The following RBMS1 variants were observed in gnomAD, a reference collection of about 807,000 sequenced individuals.
The protein encoded by RBMS1 is RNA-binding motif, single-stranded-interacting protein 1.
A neutral mutation model predicts 62.3 loss-of-function variants in RBMS1; 17 were observed. That is an observed-to-expected ratio of 0.27 (90% CI 0.19 to 0.41). The LOEUF is 0.41. RBMS1 is among the 10% of genes least tolerant of loss of function. RBMS1 has a pLI of 1.00. For missense variants in RBMS1, 334 were observed against 504.5 expected (o/e 0.66, Z 3.24); for synonymous variants, 172 against 170.0 (o/e 1.01, Z -0.09).
chr2:160,481,185 T>A (rs779970170), intron 1 of RBMS1, among the ~76,000 whole-genome samples: 1 of 152,006 alleles, frequency 6.6e-6, no homozygotes, highest in African/African-American at 2.4e-5. Context: ...GAAATGTCTT[T>A]TCAATAAATT....
At chr2:160,377,738 C>A (rs1376341873) in intron 1 of RBMS1, among the ~76,000 whole-genome samples, 2 of 152,104 alleles carry the variant, frequency 1.3e-5, no homozygotes, top group Non-Finnish European at 2.9e-5. Flanking sequence ...TGGGGACATA[C>A]TTGAATTTTT....
At chr2:160,318,045 T>TG (rs1690322863) in intron 3 of RBMS1, 124 bp downstream of exon 3, 1 of 1,391,874 alleles carries the variant, frequency 7.2e-7, no homozygotes, top group African/African-American at 1.5e-5. Flanking sequence ...AGACAGAAAC[T>TG]GGGTGATATA....
At chr2:160,300,070 G>C (rs951490164) in intron 6 of RBMS1, among the ~76,000 whole-genome samples, 1 of 152,164 alleles carries the variant, frequency 6.6e-6, no homozygotes, top group African/African-American at 2.4e-5. Context: ...CAAAAATGGA[G>C]ACCAGACTTA....
chr2:160,461,026 AG>A (rs1684438275), intron 1 of RBMS1, among the ~76,000 whole-genome samples: 1 of 152,232 alleles, frequency 6.6e-6, no homozygotes. Context: ...TGGGAGGCCA[AG>A]GCTGGAGGAT....
At chr2:160,377,532 C>T (rs535321128) in intron 1 of RBMS1, among the ~76,000 whole-genome samples, 1 of 152,332 alleles carries the variant, frequency 6.6e-6, no homozygotes, top group South Asian at 2.1e-4. Context: ...GGGCCCCCTT[C>T]CAGCTTTAAG....
Position 160,369,249 on chromosome 2 carries a change from C to T in RBMS1, c.76-1858G>A, listed in dbSNP as rs570136813. Among the ~76,000 whole-genome samples, 46 of 152,278 alleles carry T rather than the reference C, an allele frequency of 3.0e-4. 1 individual carries two copies. In the South Asian group the frequency reaches 9.1e-3, roughly 30 times the overall value. On this transcript the variant is annotated intron_variant, in intron 1 of 13. Coordinates refer to ENST00000348849, the MANE Select transcript of RBMS1 (RefSeq NM_016836.4). ...AGCAGCTGAACTCATATCCTTTCTC[C>T]AAACCACTAGTTTTTCTCTAGGGGC...
Position 160,493,583 on chromosome 2 carries a change from C to T in RBMS1, c.-220G>A. ...TCCTCCTCCTCCTCTTCCTCCTCCTCCTCCTCCTCCCAGGCAGAAAGAAAG... is the reference window on the plus strand; with the variant it reads ...TCCTCCTCCTCCTCTTCCTCCTCCTTCTCCTCCTCCCAGGCAGAAAGAAAG... On this transcript the variant is annotated 5_prime_UTR_variant, in exon 1 of 14. Transcript: ENST00000348849. The T allele has an allele frequency of 3.3e-6, 2 of 607,932 alleles. No individual in the cohort carries two copies. The highest frequency in any genetic ancestry group is 2.9e-6 in the Non-Finnish European group (1 of 345,052). The allele number at this position is 607,932 out of a possible 1,614,324, so 37.7% of individuals were successfully genotyped here. A position where few individuals can be genotyped will look rare whatever the true frequency, so the allele number is the denominator to read the frequency against.
At position 160,273,919 on chromosome 2, in the gene RBMS1, T is replaced by C. The variant is rs1687695623; in HGVS notation, c.*853A>G. ...AAAAGTTCCCCAGTCAGAAAATGTG[T>C]TTCACACAAAACATTTTTCCCTTCT... On this transcript the variant is annotated 3_prime_UTR_variant, in exon 14 of 14. Coordinates refer to ENST00000348849, the MANE Select transcript of RBMS1 (RefSeq NM_016836.4). 6.6e-6 allele frequency: 1 copy of C among 152,626 alleles called. No homozygotes were observed. Among genetic ancestry groups the C allele is most frequent in the African/African-American group, 2.4e-5 (1 of 41,448 alleles). The allele number at this position is 152,626 out of a possible 1,614,324, so 9.5% of individuals were successfully genotyped here.
At chr2:160,461,509 C>A (rs989684697) in intron 1 of RBMS1, among the ~76,000 whole-genome samples, 1 of 152,054 alleles carries the variant, frequency 6.6e-6, no homozygotes, top group Non-Finnish European at 1.5e-5. Flanking sequence ...GTAAAGTCAG[C>A]GCAACAGTCA....
At chr2:160,364,819 T>C (rs1425555207) in intron 2 of RBMS1, among the ~76,000 whole-genome samples, 1 of 152,228 alleles carries the variant, frequency 6.6e-6, no homozygotes, top group African/African-American at 2.4e-5. Context: ...TCCTCTAAAA[T>C]ATCCAAGCCC....
At chr2:160,459,681 T>G (rs1261790913) in intron 1 of RBMS1, among the ~76,000 whole-genome samples, 1 of 152,238 alleles carries the variant, frequency 6.6e-6, no homozygotes, top group Admixed American at 6.5e-5. Context: ...AGGTATTTTA[T>G]GACCAAAGTT....
intron 1 of RBMS1, among the ~76,000 whole-genome samples, chr2:160,415,490 A>T (rs1227528776): frequency 7.1e-6 from 1 of 141,796 alleles, no homozygotes; most frequent in East Asian, 1.9e-4. Flanking sequence ...TAGGAAATTT[A>T]AAAAAAAAAT....
At chr2:160,363,751 G>C (rs1693255097) in intron 2 of RBMS1, among the ~76,000 whole-genome samples, 1 of 151,942 alleles carries the variant, frequency 6.6e-6, no homozygotes, top group African/African-American at 2.4e-5. Flanking sequence ...TTGAGTATGA[G>C]GTAAAAATAA....
At chr2:160,410,890 T>TG (rs1696003431) in intron 1 of RBMS1, among the ~76,000 whole-genome samples, 1 of 152,198 alleles carries the variant, frequency 6.6e-6, no homozygotes, top group Non-Finnish European at 1.5e-5. Context: ...ACTACAGGCG[T>TG]GTGCCACCAC....
chr2:160,432,886 G>A (rs947375150), intron 1 of RBMS1, among the ~76,000 whole-genome samples: 1 of 151,698 alleles, frequency 6.6e-6, no homozygotes, highest in Non-Finnish European at 1.5e-5. Context: ...TTCACTTAAT[G>A]GTTTGGAATT....
At chr2:160,457,711 G>A (rs1016541871) in intron 1 of RBMS1, among the ~76,000 whole-genome samples, 1 of 152,144 alleles carries the variant, frequency 6.6e-6, no homozygotes. Flanking sequence ...ACAGACCAGA[G>A]ATTGCTAAAT....
At chr2:160,322,704 A>C (rs1184797378) in intron 2 of RBMS1, among the ~76,000 whole-genome samples, 1 of 152,126 alleles carries the variant, frequency 6.6e-6, no homozygotes, top group African/African-American at 2.4e-5. Flanking sequence ...TGGGCTGTCC[A>C]CTCAATTATA....
intron 2 of RBMS1, among the ~76,000 whole-genome samples, chr2:160,359,958 T>C (rs1257859922): frequency 6.6e-6 from 1 of 152,144 alleles, no homozygotes; most frequent in African/African-American, 2.4e-5. Flanking sequence ...ACTTAAAATA[T>C]TCTTTTAAAT....
In RBMS1 at chr2:160,303,459, T is replaced by A. The variant is rs780134953; in HGVS notation, c.431A>T (p.Tyr144Phe). 4.5e-5 allele frequency: 72 copies of A among 1,611,658 alleles called. No homozygotes were observed. The highest frequency in any genetic ancestry group is 8.5e-7 in the Non-Finnish European group (1 of 1,179,160). The change falls in exon 5 of 14, where the codon TAC becomes TTC. Residue 144 changes from tyrosine to phenylalanine, a missense_variant. Tyr to Phe is a conservative substitution (Grantham distance 22). Transcript: ENST00000348849. The part of the protein sequence containing the change: ...KQQEQDPTNL[Y>F]ISNLPLSMDE... ...CATGGAGAGTGGCAAATTAGAAATG[T>A]AGAGGTTGGTAGGATCTTGTTCCTG...
Sources: allele counts gnomAD v4.1 joint callset (sites outside exome capture counted in the v4.1 genomes callset), GRCh38; gene constraint gnomAD v4.1.1; transcripts MANE v1.5; gene names NCBI Gene and HGNC (gene_info 2026-07-23, HGNC 2026-07-21).